The following LRRC3B variants were observed in gnomAD, a reference collection of about 807,000 sequenced individuals.
The protein encoded by LRRC3B is leucine rich repeat containing 3B, also known as leucine-rich repeat-containing protein 3B.
Under a neutral mutation model 12.8 loss-of-function variants are expected in LRRC3B, and 2 were observed. The ratio of observed to expected loss-of-function variants is 0.16; its 90% confidence interval spans 0.06 to 0.49. The LOEUF (loss-of-function observed/expected upper bound fraction) is 0.49. Among genes scored for constraint, LRRC3B ranks in the 20% least tolerant of loss-of-function variants. The probability of loss-of-function intolerance (pLI) is 0.96; values close to 1 mark genes in which losing one functional copy is unlikely to be tolerated. For missense variants in LRRC3B, 189 were observed against 319.4 expected (o/e 0.59, Z 3.11); for synonymous variants, 132 against 122.0 (o/e 1.08, Z -0.54).
chr3:26,624,464 TGTGC>T (rs1280229542), intron 1 of LRRC3B: 1 of 152,496 alleles, frequency 6.6e-6, no homozygotes, highest in East Asian at 1.9e-4. Context: ...GGGAGACGTG[TGTGC>T]GGGGTAGAGG....
rs984971205 is a variant in LRRC3B at position 26,705,634 on chromosome 3, A to G, written c.-160-3879A>G. 5.9e-4 allele frequency among the ~76,000 whole-genome samples: 89 copies of G among 151,978 alleles called. 1 individual carries two copies. Among genetic ancestry groups the G allele is most frequent in the Non-Finnish European group, 1.3e-4 (9 of 68,002 alleles). On this transcript the variant is annotated intron_variant, in intron 1 of 1. Transcript: ENST00000396641. ...TCTTGCCCAGCAGCATAGCTTGTTT[A>G]CTGCTTTGGGTTTGTGTGTAGTTGT...
intron 1 of LRRC3B, among the ~76,000 whole-genome samples, chr3:26,627,344 G>C (rs916620575): frequency 6.6e-6 from 1 of 152,088 alleles, no homozygotes; most frequent in Non-Finnish European, 1.5e-5. Flanking sequence ...TCAGATCAGC[G>C]GGGCAAGAGT....
At chr3:26,632,455 T>C in intron 1 of LRRC3B, among the ~76,000 whole-genome samples, 1 of 152,114 alleles carries the variant, frequency 6.6e-6, no homozygotes, top group Non-Finnish European at 1.5e-5. Flanking sequence ...ACAAATCTAG[T>C]TTATCAGAAA....
chr3:26,659,228 A>G (rs56988020), intron 1 of LRRC3B, among the ~76,000 whole-genome samples: 9,617 of 152,282 alleles, frequency 0.063, 771 homozygotes, highest in African/African-American at 0.18. Context: ...CTGAATCACA[A>G]AAAGGTTAAG....
At chr3:26,685,627 A>C (rs1423430160) in intron 1 of LRRC3B, among the ~76,000 whole-genome samples, 1 of 96,648 alleles carries the variant, frequency 1.0e-5, no homozygotes, top group Non-Finnish European at 1.8e-5. Flanking sequence ...ATATATATAT[A>C]TATATATCTA....
At chr3:26,649,485 C>T (rs1056903821) in intron 1 of LRRC3B, among the ~76,000 whole-genome samples, 2 of 152,068 alleles carry the variant, frequency 1.3e-5, no homozygotes, top group Non-Finnish European at 2.9e-5. Context: ...TCCCCAGATC[C>T]CTGTTTTCAT....
Position 26,636,896 on chromosome 3 carries a change from C to T in LRRC3B, c.-161+13659C>T, listed in dbSNP as rs958903469. On this transcript the variant is annotated intron_variant, in intron 1 of 1. Transcript: ENST00000396641. ...TTCCTTCCTTCCTTCCTTTCTCTCT[C>T]TCTCTCTTTCTCTCTTTCTCTCTTT... is the stretch of plus-strand genomic sequence containing the variant. Among the ~76,000 whole-genome samples the T allele has an allele frequency of 9.9e-3, 931 of 94,304 alleles. 22 individuals carry two copies. The highest frequency in any genetic ancestry group is 0.014 in the Non-Finnish European group (703 of 48,902). 61.9% of individuals were successfully genotyped at this position (94,304 alleles called of 152,430 possible). A position where few individuals can be genotyped will look rare whatever the true frequency, so the allele number is the denominator to read the frequency against.
chr3:26,652,540 G>T (rs937150650), intron 1 of LRRC3B, among the ~76,000 whole-genome samples: 2 of 152,150 alleles, frequency 1.3e-5, no homozygotes, highest in Non-Finnish European at 2.9e-5. Context: ...AGAGTCCAGT[G>T]GGGGGAAAAT....
rs1429428472 is a variant in LRRC3B at position 26,636,900 on chromosome 3, C to A, written c.-161+13663C>A. ...TTCCTTCCTTCCTTTCTCTCTCTCT[C>A]TCTTTCTCTCTTTCTCTCTTTCTTT... is the stretch of plus-strand genomic sequence containing the variant. On this transcript the variant is annotated intron_variant, in intron 1 of 1. Coordinates refer to ENST00000396641, the Ensembl canonical transcript of LRRC3B. Among the ~76,000 whole-genome samples the A allele has an allele frequency of 5.2e-4, 48 of 92,444 alleles. 1 individual carries two copies. Among genetic ancestry groups the A allele is most frequent in the Non-Finnish European group, 8.0e-4 (40 of 50,210 alleles). The allele number at this position is 92,444 out of a possible 152,430, so 60.6% of individuals were successfully genotyped here.
At chr3:26,691,129 A>ATATATATATATATATC (rs1700185788) in intron 1 of LRRC3B, among the ~76,000 whole-genome samples, 1 of 143,592 alleles carries the variant, frequency 7.0e-6, no homozygotes, top group Non-Finnish European at 1.5e-5. Context: ...ATATATATAT[A>ATATATATATATATATC]TATATGAGAC....
At chr3:26,708,633 G>A (rs930880092) in intron 1 of LRRC3B, among the ~76,000 whole-genome samples, 11 of 152,102 alleles carry the variant, frequency 7.2e-5, no homozygotes, top group Admixed American at 2.6e-4. Context: ...CTCTGCTGTC[G>A]AGTAAGTTTC....
intron 1 of LRRC3B, among the ~76,000 whole-genome samples, chr3:26,629,783 G>A (rs1379803705): frequency 6.6e-6 from 1 of 152,100 alleles, no homozygotes; most frequent in East Asian, 1.9e-4. Context: ...TTAGTAAACT[G>A]AAAATGATTC....
chr3:26,661,993 C>A (rs1699501078), intron 1 of LRRC3B, among the ~76,000 whole-genome samples: 1 of 152,138 alleles, frequency 6.6e-6, no homozygotes, highest in African/African-American at 2.4e-5. Context: ...AACTAGTAAT[C>A]CCCTGAGTGT....
rs995612535 is a variant in LRRC3B at position 26,648,692 on chromosome 3, G to A, written c.-161+25455G>A. ...CTAAGAGGACCCCTCACACAAATGCGCATGTCTACTGGGAAAAATGTGTAT... is the reference window on the plus strand; with the variant it reads ...CTAAGAGGACCCCTCACACAAATGCACATGTCTACTGGGAAAAATGTGTAT... On this transcript the variant is annotated intron_variant, in intron 1 of 1. Transcript: ENST00000396641. Among the ~76,000 whole-genome samples, 7 of 152,244 alleles carry A rather than the reference G, an allele frequency of 4.6e-5. No individual in the cohort carries two copies. The East Asian group carries it at 9.7e-4, about 21-fold the overall frequency.
At chr3:26,704,198 GATTAT>G (rs1349376871) in intron 1 of LRRC3B, among the ~76,000 whole-genome samples, 4 of 152,068 alleles carry the variant, frequency 2.6e-5, no homozygotes, top group African/African-American at 7.2e-5. Flanking sequence ...ACACAAATGT[GATTAT>G]ATTATAAGTA....
chr3:26,663,169 T>C (rs757887304), intron 1 of LRRC3B, among the ~76,000 whole-genome samples: 1 of 152,178 alleles, frequency 6.6e-6, no homozygotes. Context: ...CCTTTTTTTG[T>C]AGCCAGCTTT....
intron 1 of LRRC3B, among the ~76,000 whole-genome samples, chr3:26,629,546 T>C (rs576396168): frequency 1.3e-5 from 2 of 152,352 alleles, no homozygotes; most frequent in South Asian, 2.1e-4. Flanking sequence ...GCTTTCCCTA[T>C]GCTGCACTGG....
intron 1 of LRRC3B, among the ~76,000 whole-genome samples, chr3:26,651,136 T>G (rs965925562): frequency 6.6e-6 from 1 of 152,192 alleles, no homozygotes; most frequent in Non-Finnish European, 1.5e-5. Flanking sequence ...TCACTGAAAA[T>G]CATTTTGTCA....
intron 1 of LRRC3B, among the ~76,000 whole-genome samples, chr3:26,656,123 G>A (rs1699366881): frequency 6.6e-6 from 1 of 152,144 alleles, no homozygotes; most frequent in African/African-American, 2.4e-5. Context: ...GGATGGATTT[G>A]ATAGTCTCTG....
Sources: allele counts gnomAD v4.1 joint callset (sites outside exome capture counted in the v4.1 genomes callset), GRCh38; gene constraint gnomAD v4.1.1; transcripts MANE v1.5; gene names NCBI Gene and HGNC (gene_info 2026-07-23, HGNC 2026-07-21).